Variants in DLGAP2 observed in about 807,000 individuals in gnomAD.
DLGAP2 encodes DLG associated protein 2.
A neutral mutation model predicts 100.3 loss-of-function variants in DLGAP2; 26 were observed. The observed-to-expected ratio is 0.26, with a 90% CI of 0.19 to 0.36. The LOEUF is 0.36. Ranked by LOEUF, DLGAP2 falls within the 10% of genes least tolerant of loss-of-function variation. The pLI is 1.00. For synonymous variants in DLGAP2, 886 were observed against 630.1 expected (o/e 1.41, Z -6.08); for missense variants, 1,858 against 1,453.2 (o/e 1.28, Z -4.53).
chr8:1,682,621 C>G (rs567516620), intron 12 of DLGAP2, among the ~76,000 whole-genome samples: 1 of 146,462 alleles, frequency 6.8e-6, no homozygotes, highest in Non-Finnish European at 1.6e-5. Flanking sequence ...ACTACAGACA[C>G]GCACCACAGC....
At chr8:1,098,425 TC>T (rs1326071570) in intron 2 of DLGAP2, among the ~76,000 whole-genome samples, 2 of 152,258 alleles carry the variant, frequency 1.3e-5, no homozygotes, top group Admixed American at 6.5e-5. Flanking sequence ...CACGAGGGCC[TC>T]CCGGGCAGGT....
intron 1 of DLGAP2, among the ~76,000 whole-genome samples, chr8:903,334 G>A (rs1053350384): frequency 6.6e-6 from 1 of 152,026 alleles, no homozygotes; most frequent in African/African-American, 2.4e-5. Context: ...ACATCAGTTC[G>A]AGAGCAGGGA....
chr8:1,696,213 G>C (rs1488506988), intron 13 of DLGAP2, among the ~76,000 whole-genome samples: 1 of 152,198 alleles, frequency 6.6e-6, no homozygotes, highest in Admixed American at 6.5e-5. Flanking sequence ...TTTCAATGTA[G>C]GGAGCAAGCC....
At chr8:1,332,904 T>C (rs1801190606) in intron 3 of DLGAP2, among the ~76,000 whole-genome samples, 1 of 152,052 alleles carries the variant, frequency 6.6e-6, no homozygotes, top group South Asian at 2.1e-4. Flanking sequence ...TGTCTGGGAG[T>C]GGGACCACTT....
intron 2 of DLGAP2, among the ~76,000 whole-genome samples, chr8:1,214,011 G>A (rs899884940): frequency 2.4e-5 from 3 of 124,922 alleles, no homozygotes; most frequent in African/African-American, 4.5e-5. Context: ...TCAGAGACCC[G>A]GCTGTGGTCT....
At chr8:1,012,464 C>T (rs980685733) in intron 2 of DLGAP2, among the ~76,000 whole-genome samples, 3 of 151,564 alleles carry the variant, frequency 2.0e-5, no homozygotes, top group Non-Finnish European at 2.9e-5. Flanking sequence ...CGGGAACTTC[C>T]AGCGGCAGTG....
intron 3 of DLGAP2, among the ~76,000 whole-genome samples, chr8:1,433,602 G>C (rs756742468): frequency 1.3e-5 from 2 of 148,996 alleles, no homozygotes; most frequent in Non-Finnish European, 3.0e-5. Context: ...TCGGACACTG[G>C]GCAGCCAACG....
At chr8:1,018,536 A>T (rs1299368959) in intron 2 of DLGAP2, among the ~76,000 whole-genome samples, 1 of 152,236 alleles carries the variant, frequency 6.6e-6, no homozygotes, top group Non-Finnish European at 1.5e-5. Flanking sequence ...GCCTGGAGGC[A>T]GCAGTGACTC....
At chr8:998,512 A>G (rs1245885246) in intron 2 of DLGAP2, among the ~76,000 whole-genome samples, 1 of 149,570 alleles carries the variant, frequency 6.7e-6, no homozygotes, top group Non-Finnish European at 1.5e-5. Context: ...TGTGTCACCC[A>G]GGTTGATCTT....
intron 1 of DLGAP2, among the ~76,000 whole-genome samples, chr8:872,032 G>T (rs1295911712): frequency 1.3e-5 from 2 of 152,080 alleles, no homozygotes; most frequent in Non-Finnish European, 2.9e-5. Flanking sequence ...GATTATAACA[G>T]ATATTTTTGT....
chr8:1,659,401 A>G (rs1000501648), intron 8 of DLGAP2, among the ~76,000 whole-genome samples: 13 of 152,130 alleles, frequency 8.5e-5, no homozygotes, highest in African/African-American at 2.9e-4. Context: ...TATCCTTGTT[A>G]ATTTTCTGTC....
chr8:998,467 A>AT (rs11354301), intron 2 of DLGAP2, among the ~76,000 whole-genome samples: 3,106 of 142,674 alleles, frequency 0.022, 38 homozygotes, highest in Non-Finnish European at 0.031. Context: ...TGCCCAGCTA[A>AT]TTTTTTTTTT....
chr8:1,586,225 C>G (rs1017154415), intron 6 of DLGAP2, among the ~76,000 whole-genome samples: 2 of 152,240 alleles, frequency 1.3e-5, no homozygotes, highest in Non-Finnish European at 2.9e-5. Flanking sequence ...GCCCTTCTTT[C>G]CGGGGATCTG....
chr8:792,059 A>G (rs747411688), intron 1 of DLGAP2, among the ~76,000 whole-genome samples: 38 of 152,220 alleles, frequency 2.5e-4, no homozygotes, highest in Non-Finnish European at 1.0e-4. Context: ...GCATTTACCA[A>G]TGTGAATTTT....
chr8:1,534,184 CT>C (rs1232474424), intron 4 of DLGAP2, among the ~76,000 whole-genome samples: 3 of 152,164 alleles, frequency 2.0e-5, no homozygotes, highest in South Asian at 2.1e-4. Context: ...TAAGGAGCCC[CT>C]GATCTTGTTT....
intron 3 of DLGAP2, among the ~76,000 whole-genome samples, chr8:1,441,076 G>C (rs1414927371): frequency 6.6e-6 from 1 of 152,114 alleles, no homozygotes; most frequent in Admixed American, 6.6e-5. Context: ...GAAGGGAAAA[G>C]TCTATGTTCG....
At chr8:1,220,510 G>A (rs909402519) in intron 2 of DLGAP2, among the ~76,000 whole-genome samples, 5 of 152,164 alleles carry the variant, frequency 3.3e-5, no homozygotes, top group African/African-American at 1.2e-4. Context: ...GTTGAGAATG[G>A]CTGTATGGCC....
chr8:1,581,801 C>G (rs1410124475), intron 6 of DLGAP2, among the ~76,000 whole-genome samples: 1 of 151,670 alleles, frequency 6.6e-6, no homozygotes, highest in Non-Finnish European at 1.5e-5. Flanking sequence ...CAAACCCCCA[C>G]ACACGTCTAC....
At chr8:1,339,201 A>G (rs1326410531) in intron 3 of DLGAP2, among the ~76,000 whole-genome samples, 1 of 149,244 alleles carries the variant, frequency 6.7e-6, no homozygotes, top group Non-Finnish European at 1.5e-5. Context: ...GTGTGAGGGA[A>G]GGCAGTGACC....
Sources: gnomAD v4.1 joint callset for allele counts (sites outside exome capture counted in the v4.1 genomes callset) on GRCh38, gnomAD v4.1.1 for gene constraint, MANE v1.5 for transcripts, NCBI Gene and HGNC (gene_info 2026-07-23, HGNC 2026-07-21) for gene names.